Variants in ZC3H11A observed in about 807,000 individuals in gnomAD.
ZC3H11A encodes zinc finger CCCH-type containing 11A.
ZC3H11A carries 22 observed loss-of-function variants against 90.8 expected under a neutral mutation model. That is an observed-to-expected ratio of 0.24 (90% CI 0.17 to 0.35). The LOEUF (loss-of-function observed/expected upper bound fraction) is 0.35. Among genes scored for constraint, ZC3H11A ranks in the 10% least tolerant of loss-of-function variants. The probability of loss-of-function intolerance (pLI) is 1.00; values close to 1 mark genes in which losing one functional copy is unlikely to be tolerated. For synonymous variants in ZC3H11A, 294 were observed against 339.8 expected (o/e 0.87, Z 1.48); for missense variants, 701 against 964.9 (o/e 0.73, Z 3.62).
chr1:203,796,746 ATATC>A (rs1668644246), intron 1 of ZC3H11A: 1 of 314,300 alleles, frequency 3.2e-6, no homozygotes. Context: ...AAGTCTAAAA[ATATC>A]TGAAAACTAA....
At chr1:203,831,512 G>A (rs1682361370) in intron 8 of ZC3H11A, 149 bp from the exon 9 acceptor site, 1 of 633,898 alleles carries the variant, frequency 1.6e-6, no homozygotes, top group African/African-American at 1.8e-5. Flanking sequence ...CCATTTGACT[G>A]TAGGCAAACA....
chr1:203,851,586 TC>T (rs1173819152), intron 17 of ZC3H11A, among the ~76,000 whole-genome samples: 4 of 152,156 alleles, frequency 2.6e-5, no homozygotes, highest in Non-Finnish European at 5.9e-5. Context: ...TTCCTCGTCT[TC>T]CCAAAGTGCT....
chr1:203,847,080 T>TGATA (rs1406676548), intron 12 of ZC3H11A, 104 bp from the exon 13 acceptor site: 2 of 1,240,232 alleles, frequency 1.6e-6, no homozygotes, highest in Non-Finnish European at 2.3e-6. Flanking sequence ...CCTGCTTAAA[T>TGATA]GATAGCTCTC....
At chr1:203,848,856 A>G (rs1187974009) in intron 14 of ZC3H11A, among the ~76,000 whole-genome samples, 1 of 152,218 alleles carries the variant, frequency 6.6e-6, no homozygotes. Flanking sequence ...CTAAAAATAT[A>G]CAGCTCAGAT....
At chr1:203,831,093 C>G (rs559998299) in intron 8 of ZC3H11A, among the ~76,000 whole-genome samples, 1 of 151,520 alleles carries the variant, frequency 6.6e-6, no homozygotes, top group South Asian at 2.1e-4. Context: ...TACAGGCATG[C>G]GCCACCACGC....
chr1:203,853,011 C>T lies in ZC3H11A; in HGVS notation c.*612C>T, dbSNP rs1201713964. 6.5e-6 allele frequency: 1 copy of T among 152,798 alleles called. No homozygotes were observed. The highest frequency in any genetic ancestry group is 1.5e-5 in the Non-Finnish European group (1 of 68,292). 9.5% of individuals were successfully genotyped at this position (152,798 alleles called of 1,614,324 possible). ...TTGATGCTTCTGCTGCTCTGTTAGC[C>T]TCTGAAGAGCAATATCTAATTTATT... On this transcript the variant is annotated 3_prime_UTR_variant, in exon 18 of 18. Transcript: ENST00000367210.
chr1:203,804,999 T>C (rs1294378336), intron 2 of ZC3H11A, among the ~76,000 whole-genome samples: 2 of 152,104 alleles, frequency 1.3e-5, no homozygotes, highest in Non-Finnish European at 2.9e-5. Flanking sequence ...TATATGTTTG[T>C]AATTTATGCC....
intron 8 of ZC3H11A, 65 bp from the exon 9 acceptor site, chr1:203,831,596 T>A: frequency 6.9e-7 from 1 of 1,452,378 alleles, no homozygotes; most frequent in Non-Finnish European, 9.5e-7. Flanking sequence ...AAAAACAAAT[T>A]TTTTGACTTG....
chr1:203,849,572 T>G, intron 14 of ZC3H11A, 139 bp from the exon 15 acceptor site: 1 of 818,968 alleles, frequency 1.2e-6, no homozygotes, highest in Non-Finnish European at 2.0e-6. Flanking sequence ...ATTGTCTATT[T>G]AACATCAAAT....
Position 203,849,983 on chromosome 1 carries a change from G to C in ZC3H11A, c.1896G>C (p.Leu632Phe), listed in dbSNP as rs748053700. Residue 632 changes from leucine to phenylalanine, a missense_variant, in exon 15 of 18, where the codon TTG becomes TTC. By Grantham distance (22) the Leu-to-Phe change is conservative. Coordinates refer to ENST00000367210, the MANE Select transcript of ZC3H11A (RefSeq NM_001376342.1). Reference protein sequence around the residue: ...VETSGIGDSLLNVKCAAQTLE... With the variant: ...VETSGIGDSLFNVKCAAQTLE... ...CCTCAGGGATTGGAGACTCATTATT[G>C]AATGTGAAATGTGCAGCACAGACCT... 1 of 1,613,976 alleles carries C rather than the reference G, an allele frequency of 6.2e-7. No homozygotes were observed. The highest frequency in any genetic ancestry group is 8.5e-7 in the Non-Finnish European group (1 of 1,179,996).
intron 12 of ZC3H11A, among the ~76,000 whole-genome samples, chr1:203,843,562 A>G (rs770298586): frequency 2.8e-4 from 42 of 152,210 alleles, no homozygotes; most frequent in Non-Finnish European, 5.4e-4. Context: ...TTTGCAGTCC[A>G]CAGTATTGCA....
intron 2 of ZC3H11A, among the ~76,000 whole-genome samples, chr1:203,810,204 G>C (rs2102620845): frequency 6.6e-6 from 1 of 151,138 alleles, no homozygotes; most frequent in South Asian, 2.1e-4. Context: ...TTGAACTCCT[G>C]GTCTCAAGTG....
intron 10 of ZC3H11A, among the ~76,000 whole-genome samples, chr1:203,835,393 A>G (rs1572228065): frequency 6.6e-6 from 1 of 152,234 alleles, no homozygotes; most frequent in East Asian, 1.9e-4. Flanking sequence ...AGATGAATAC[A>G]TTACACGTTA....
chr1:203,849,916 A>G lies in ZC3H11A; in HGVS notation c.1829A>G (p.Lys610Arg), dbSNP rs569445094. 7 of 1,614,058 alleles carry G rather than the reference A, an allele frequency of 4.3e-6. No individual in the cohort carries two copies. The highest frequency in any genetic ancestry group is 2.5e-6 in the Non-Finnish European group (3 of 1,180,040). The change falls in exon 15 of 18, where the codon AAG becomes AGG. Residue 610 changes from lysine (K) to arginine (R), a missense_variant. Coordinates refer to ENST00000367210, the MANE Select transcript of ZC3H11A (RefSeq NM_001376342.1). ...AVPGITRHLT[K>R]RLPTKSSQKV... ...CCAGGAATCACACGGCACCTGACCA[A>G]GCGGCTTCCCACAAAGTCATCCCAG...
intron 15 of ZC3H11A, 168 bp downstream of exon 15, chr1:203,850,194 A>G: frequency 1.4e-6 from 1 of 693,572 alleles, no homozygotes; most frequent in Non-Finnish European, 2.4e-6. Context: ...AAACGAGATG[A>G]ATTCTTTTCT....
chr1:203,848,716 T>A lies in ZC3H11A; in HGVS notation c.1623+309T>A, dbSNP rs182285937. On this transcript the variant is annotated intron_variant, in intron 14 of 17. Coordinates refer to ENST00000367210, the MANE Select transcript of ZC3H11A (RefSeq NM_001376342.1). ...TCCTGGCTAACACGGTGAAACCCCG[T>A]CTCTACTAAAAATACAAAAAATAAA... Among the ~76,000 whole-genome samples the A allele has an allele frequency of 3.1e-3, 477 of 152,292 alleles. 6 individuals are homozygous for A. Among genetic ancestry groups the A allele is most frequent in the African/African-American group, 0.011 (466 of 41,558 alleles).
chr1:203,813,570 G>T (rs1675235578), intron 2 of ZC3H11A, among the ~76,000 whole-genome samples: 1 of 152,050 alleles, frequency 6.6e-6, no homozygotes, highest in Non-Finnish European at 1.5e-5. Flanking sequence ...GACTATGCTT[G>T]TTATCTGTAT....
chr1:203,811,821 TC>T (rs1674588863), intron 2 of ZC3H11A, among the ~76,000 whole-genome samples: 2 of 151,624 alleles, frequency 1.3e-5, no homozygotes, highest in Non-Finnish European at 1.5e-5. Flanking sequence ...TTTGTCTTTT[TC>T]TTTTTTTTTT....
chr1:203,831,148 T>C (rs920709003), intron 8 of ZC3H11A, among the ~76,000 whole-genome samples: 3 of 151,870 alleles, frequency 2.0e-5, no homozygotes, highest in Non-Finnish European at 4.4e-5. Flanking sequence ...TTCTCCATGT[T>C]GGTTGGGCTG....
Sources: gnomAD v4.1 joint callset for allele counts (sites outside exome capture counted in the v4.1 genomes callset) on GRCh38, gnomAD v4.1.1 for gene constraint, MANE v1.5 for transcripts, NCBI Gene and HGNC (gene_info 2026-07-23, HGNC 2026-07-21) for gene names.